The following INTS4 variants were observed in gnomAD, a reference collection of about 807,000 sequenced individuals.
INTS4 encodes integrator complex subunit 4, also known as MSTP093.
INTS4 carries 70 observed loss-of-function variants against 119.5 expected under a neutral mutation model. The observed-to-expected ratio is 0.59, with a 90% confidence interval of 0.48 to 0.71. The LOEUF (loss-of-function observed/expected upper bound fraction) is 0.71. Ranked by LOEUF, INTS4 falls within the 30% of genes least tolerant of loss-of-function variation. The pLI is 0.00. For synonymous variants in INTS4, 316 were observed against 419.6 expected (o/e 0.75, Z 3.02); for missense variants, 867 against 1,173.2 (o/e 0.74, Z 3.81).
Position 77,878,845 on chromosome 11 carries a change from T to G in INTS4, c.*104A>C. The G allele has an allele frequency of 1.2e-6, 1 of 831,486 alleles. No homozygotes were observed. The highest frequency in any genetic ancestry group is 2.1e-6 in the Non-Finnish European group (1 of 476,548). The allele number at this position is 831,486 out of a possible 1,614,324, so 51.5% of individuals were successfully genotyped here. On this transcript the variant is annotated 3_prime_UTR_variant, in exon 23 of 23. Transcript: ENST00000534064. ...AGATGAGACTGTAAGGGTCACATACTCCTTAAGCCTACACATCAATTCCAG... is the reference window on the plus strand; with the variant it reads ...AGATGAGACTGTAAGGGTCACATACGCCTTAAGCCTACACATCAATTCCAG...
intron 8 of INTS4, among the ~76,000 whole-genome samples, chr11:77,953,889 G>A (rs1001568875): frequency 1.7e-4 from 26 of 150,394 alleles, no homozygotes; most frequent in East Asian, 7.9e-4. Context: ...TCTGCCTCCC[G>A]GGTAACCTCT....
chr11:77,984,652 A>G (rs1591146962), intron 2 of INTS4, among the ~76,000 whole-genome samples: 1 of 152,114 alleles, frequency 6.6e-6, no homozygotes, highest in African/African-American at 2.4e-5. Flanking sequence ...ATATGAATGT[A>G]CTTAACACAC....
At chr11:77,993,064 T>TC (rs1856761877) in intron 1 of INTS4, among the ~76,000 whole-genome samples, 1 of 152,222 alleles carries the variant, frequency 6.6e-6, no homozygotes, top group Non-Finnish European at 1.5e-5. Flanking sequence ...AGGAATTTTT[T>TC]CCCTAAGTAT....
chr11:77,973,310 T>C (rs1855804569), intron 4 of INTS4, among the ~76,000 whole-genome samples: 1 of 152,238 alleles, frequency 6.6e-6, no homozygotes, highest in Non-Finnish European at 1.5e-5. Flanking sequence ...TTTAGTGGAT[T>C]CCCTAAGATT....
At position 77,907,771 on chromosome 11, in the gene INTS4, T is replaced by A; in HGVS notation, c.1962A>T (p.Ala654=). The part of the protein sequence containing the change: ...QRLGELQSEL[A]GVADFSATYL... The stretch of plus-strand genomic sequence containing the variant: ...AGGTGGCAGAGAAATCAGCTACTCC[T>A]GCCAATTCAGATTGAAGTTCTCCAA... The change falls in exon 16 of 23, where the codon GCA becomes GCT. Residue 654 remains alanine (A), a synonymous_variant. Coordinates refer to ENST00000534064, the MANE Select transcript of INTS4 (RefSeq NM_033547.4). 6.2e-7 allele frequency: 1 copy of A among 1,613,916 alleles called. No individual in the cohort carries two copies. Among genetic ancestry groups the A allele is most frequent in the Non-Finnish European group, 8.5e-7 (1 of 1,179,848 alleles).
At position 77,907,817 on chromosome 11, in the gene INTS4, T is replaced by C. The variant is rs775593919; in HGVS notation, c.1923-7A>G. 1 of 1,586,154 alleles carries C rather than the reference T, an allele frequency of 6.3e-7. No homozygotes were observed. Among genetic ancestry groups the C allele is most frequent in the South Asian group, 1.1e-5 (1 of 89,782 alleles). On this transcript the variant is annotated splice_polypyrimidine_tract_variant and splice_region_variant and intron_variant, in intron 15 of 22. Transcript: ENST00000534064. ...TCCAAGTCTTTGCAGATCCCTATAG[T>C]AAATAAAACCCCCAAGGCAAACACA...
At chr11:77,983,972 A>T (rs1188455957) in intron 2 of INTS4, among the ~76,000 whole-genome samples, 1 of 152,232 alleles carries the variant, frequency 6.6e-6, no homozygotes, top group Non-Finnish European at 1.5e-5. Context: ...TAAAATGTGG[A>T]AGCAATGCAA....
intron 10 of INTS4, among the ~76,000 whole-genome samples, chr11:77,928,945 C>A (rs149801350): frequency 0.029 from 4,340 of 151,294 alleles, 191 homozygotes; most frequent in African/African-American, 0.1. Context: ...CACTTGTGCC[C>A]AGGAGTTTGA....
chr11:77,961,264 C>T (rs1227282618), intron 4 of INTS4, 126 bp from the exon 5 acceptor site: 2 of 1,264,592 alleles, frequency 1.6e-6, no homozygotes, highest in Non-Finnish European at 2.1e-6. Flanking sequence ...GATTTCAAGA[C>T]CTATATTCTT....
chr11:77,944,828 TA>T (rs999803075), intron 8 of INTS4, among the ~76,000 whole-genome samples: 8 of 152,042 alleles, frequency 5.3e-5, no homozygotes, highest in Non-Finnish European at 8.8e-5. Context: ...ATAATACAAA[TA>T]AACTATTCCA....
chr11:77,903,864 T>C (rs1952857421), intron 16 of INTS4, among the ~76,000 whole-genome samples: 1 of 152,306 alleles, frequency 6.6e-6, no homozygotes, highest in South Asian at 2.1e-4. Context: ...CCCAGATCAG[T>C]GCTTCTGGAA....
chr11:77,948,791 GAA>G (rs796627166), intron 8 of INTS4, among the ~76,000 whole-genome samples: 9 of 118,382 alleles, frequency 7.6e-5, no homozygotes, highest in South Asian at 5.4e-4. Context: ...CTCAAAGAAA[GAA>G]AAAAAAAAAA....
intron 4 of INTS4, among the ~76,000 whole-genome samples, chr11:77,962,693 G>A (rs1404346826): frequency 6.6e-6 from 1 of 150,874 alleles, no homozygotes; most frequent in Non-Finnish European, 1.5e-5. Context: ...ATTTACTCTG[G>A]TACTTGTATT....
intron 14 of INTS4, among the ~76,000 whole-genome samples, chr11:77,919,856 G>A (rs1259958048): frequency 6.6e-6 from 1 of 151,864 alleles, no homozygotes; most frequent in Admixed American, 6.6e-5. Context: ...TCGCCCAGGC[G>A]GGAGTGCAGT....
rs775032170 is a variant in INTS4, at chr11:77,961,107, T to C, written c.503A>G (p.Asn168Ser). 4 of 1,609,632 alleles carry C rather than the reference T, an allele frequency of 2.5e-6. No homozygotes were observed. Among genetic ancestry groups the C allele is most frequent in the African/African-American group, 2.7e-5 (2 of 73,998 alleles). ...ATTGCCAAGTAACTGCAGGCACTTA[T>C]TTCTTACACCATGAGACGTATCTGT... ...HLTDTSHGVR[N>S]KCLQLLGNLG... Residue 168 changes from asparagine (N) to serine (S), a missense_variant, in exon 5 of 23, where the codon AAT becomes AGT. Asn to Ser is a conservative substitution (Grantham distance 46). Transcript: ENST00000534064.
chr11:77,982,944 TG>T (rs1565291070), intron 2 of INTS4, among the ~76,000 whole-genome samples: 1 of 152,228 alleles, frequency 6.6e-6, no homozygotes, highest in Non-Finnish European at 1.5e-5. Context: ...TCTAAAATCC[TG>T]GCATGCTATG....
At chr11:77,972,495 C>A (rs561048522) in intron 4 of INTS4, among the ~76,000 whole-genome samples, 1 of 152,100 alleles carries the variant, frequency 6.6e-6, no homozygotes, top group Non-Finnish European at 1.5e-5. Flanking sequence ...CAGCTCACTG[C>A]AACCTCCGCC....
At chr11:77,903,655 A>G (rs756460091) in intron 16 of INTS4, 35 bp from the exon 17 acceptor site, 240 of 1,547,698 alleles carry the variant, frequency 1.6e-4, no homozygotes, top group Non-Finnish European at 8.9e-6. Flanking sequence ...CAGAATACCG[A>G]GGTCACAAAG....
chr11:77,972,272 T>C (rs973714513), intron 4 of INTS4, among the ~76,000 whole-genome samples: 1 of 152,058 alleles, frequency 6.6e-6, no homozygotes, highest in East Asian at 1.9e-4. Flanking sequence ...CTAGTTTTTA[T>C]ATTTTTTGTA....
Sources: gnomAD v4.1 joint callset for allele counts (sites outside exome capture counted in the v4.1 genomes callset) on GRCh38, gnomAD v4.1.1 for gene constraint, MANE v1.5 for transcripts, NCBI Gene and HGNC (gene_info 2026-07-23, HGNC 2026-07-21) for gene names.